PIWIL2: variants seen among roughly 807,000 people sequenced by gnomAD.
The protein encoded by PIWIL2 is piwi like RNA-mediated gene silencing 2.
PIWIL2 carries 81 observed loss-of-function variants against 116.5 expected under a neutral mutation model. That is an observed-to-expected ratio of 0.70 (90% confidence interval 0.58 to 0.84). PIWIL2 has a LOEUF of 0.84. PIWIL2 is among the 40% of genes least tolerant of loss of function. The pLI, the probability that PIWIL2 is intolerant of heterozygous loss-of-function variation, is 0.00. For synonymous variants in PIWIL2, 489 were observed against 429.5 expected, an observed-to-expected ratio of 1.14 and a Z score of -1.71; for missense variants, 1,272 against 1,212.3, an observed-to-expected ratio of 1.05 and a Z score of -0.73.
chr8:22,297,134 A>T (rs1481159829), intron 10 of PIWIL2, among the ~76,000 whole-genome samples: 1 of 151,808 alleles, frequency 6.6e-6, no homozygotes, highest in Non-Finnish European at 1.5e-5. Context: ...GACTACAGGG[A>T]TGCACCATCA....
chr8:22,281,902 T>C (rs1830513141), intron 4 of PIWIL2, among the ~76,000 whole-genome samples: 2 of 145,248 alleles, frequency 1.4e-5, no homozygotes, highest in Admixed American at 1.4e-4. Flanking sequence ...CTCCCAGGTG[T>C]CTGGGACTAC....
At chr8:22,327,369 GTTT>G (rs1170780921) in intron 20 of PIWIL2, among the ~76,000 whole-genome samples, 1 of 117,598 alleles carries the variant, frequency 8.5e-6, no homozygotes, top group Non-Finnish European at 1.8e-5. Context: ...TTTTTGTTTC[GTTT>G]TTTTTTTTTT....
At chr8:22,294,672 A>G (rs141554204) in intron 10 of PIWIL2, among the ~76,000 whole-genome samples, 6,015 of 148,350 alleles carry the variant, frequency 0.041, 193 homozygotes, top group Admixed American at 0.058. Flanking sequence ...AAAAAAAGAA[A>G]AACATCAGTT....
At chr8:22,309,450 G>A (rs1831271077) in intron 14 of PIWIL2, among the ~76,000 whole-genome samples, 1 of 151,786 alleles carries the variant, frequency 6.6e-6, no homozygotes, top group African/African-American at 2.4e-5. Context: ...TAAATCTCCT[G>A]CCTCTGCCTC....
intron 20 of PIWIL2, among the ~76,000 whole-genome samples, chr8:22,326,877 C>T (rs186585075): frequency 4.1e-4 from 62 of 152,212 alleles, no homozygotes; most frequent in Middle Eastern, 3.4e-3. Flanking sequence ...ATTACAGGGT[C>T]ATATAGTAGT....
intron 12 of PIWIL2, among the ~76,000 whole-genome samples, chr8:22,305,172 C>CATTTATTTATTTATTTATTTATTT (rs10669583): frequency 3.5e-5 from 5 of 143,850 alleles, no homozygotes; most frequent in South Asian, 4.7e-4. Flanking sequence ...TATAGATATT[C>CATTTATTTATTTATTTATTTATTT]ATTTATTTAT....
intron 20 of PIWIL2, among the ~76,000 whole-genome samples, chr8:22,344,766 C>G (rs1832187023): frequency 6.6e-6 from 1 of 152,170 alleles, no homozygotes; most frequent in Non-Finnish European, 1.5e-5. Context: ...GTCCCAGCTA[C>G]TCAAGAGGCT....
At position 22,353,340 on chromosome 8, in the gene PIWIL2, A is replaced by C; in HGVS notation, c.2657+128A>C. 3 of 832,668 alleles carry C rather than the reference A, an allele frequency of 3.6e-6. No homozygotes were observed. The South Asian group carries it at 5.5e-5, about 15-fold the overall frequency. The allele number at this position is 832,668 out of a possible 1,614,324, so 51.6% of individuals were successfully genotyped here. ...GAATCTCAGAGAGGCTACCGTTAAA[A>C]GAATGAAGGTTTAAAAAATATTTAA... On this transcript the variant is annotated intron_variant, in intron 21 of 22. Coordinates refer to ENST00000356766, the MANE Select transcript of PIWIL2 (RefSeq NM_018068.5).
At chr8:22,302,744 A>T (rs1029575811) in intron 10 of PIWIL2, among the ~76,000 whole-genome samples, 1 of 152,096 alleles carries the variant, frequency 6.6e-6, no homozygotes, top group Non-Finnish European at 1.5e-5. Context: ...AATGCTTTCA[A>T]AATTAAATGT....
At chr8:22,330,031 T>C (rs892796919) in intron 20 of PIWIL2, among the ~76,000 whole-genome samples, 5 of 152,222 alleles carry the variant, frequency 3.3e-5, no homozygotes, top group African/African-American at 1.2e-4. Flanking sequence ...GATATTCTTT[T>C]TGCCCCTTCC....
rs759894275 is a variant in PIWIL2 at position 22,314,475 on chromosome 8, C to T, written c.2091+46C>T. The stretch of plus-strand genomic sequence containing the variant: ...GAGGCGCAGATGGCACCTCTCGCCT[C>T]CCCGAGGCTTGAGAAGAGGGATATG... On this transcript the variant is annotated intron_variant, in intron 17 of 22. Transcript: ENST00000356766. 58 of 987,866 alleles carry T rather than the reference C, an allele frequency of 5.9e-5. No individual in the cohort carries two copies. In the Admixed American group the frequency reaches 9.7e-4, roughly 16 times the overall value. 61.2% of individuals were successfully genotyped at this position (987,866 alleles called of 1,614,324 possible).
chr8:22,355,606 T>C lies in PIWIL2; in HGVS notation c.*101T>C, dbSNP rs111874544. 1.9e-6 allele frequency: 2 copies of C among 1,059,788 alleles called. No individual in the cohort carries two copies. The highest frequency in any genetic ancestry group is 2.7e-6 in the Non-Finnish European group (2 of 727,578). The allele number at this position is 1,059,788 out of a possible 1,614,324, so 65.6% of individuals were successfully genotyped here. On this transcript the variant is annotated 3_prime_UTR_variant, in exon 23 of 23. Coordinates refer to ENST00000356766, the MANE Select transcript of PIWIL2 (RefSeq NM_018068.5). ...GAGACTGAAGTGGGCTTTTGTGTTA[T>C]AATTTTCCCTTTCTCCAACCCTGTA...
chr8:22,329,689 T>G (rs535667488), intron 20 of PIWIL2, among the ~76,000 whole-genome samples: 1 of 152,350 alleles, frequency 6.6e-6, no homozygotes, highest in Non-Finnish European at 1.5e-5. Flanking sequence ...ACATTCAGAC[T>G]GTAGCAATAG....
chr8:22,329,368 G>A (rs140487377), intron 20 of PIWIL2, among the ~76,000 whole-genome samples: 114 of 152,324 alleles, frequency 7.5e-4, no homozygotes, highest in Non-Finnish European at 1.4e-3. Flanking sequence ...GAAGCATAAT[G>A]CTGGCATCCA....
chr8:22,324,436 A>G (rs1480724609), intron 20 of PIWIL2, among the ~76,000 whole-genome samples: 1 of 152,032 alleles, frequency 6.6e-6, no homozygotes, highest in Non-Finnish European at 1.5e-5. Context: ...AGCCTAGCAA[A>G]CGTCTCCCAC....
At chr8:22,299,242 C>T (rs1327381933) in intron 10 of PIWIL2, among the ~76,000 whole-genome samples, 2 of 150,452 alleles carry the variant, frequency 1.3e-5, no homozygotes, top group African/African-American at 4.9e-5. Context: ...TGGAATTTCA[C>T]TCTTGTTGCC....
Position 22,348,922 on chromosome 8 carries a change from C to T in PIWIL2, c.2404-4037C>T, listed in dbSNP as rs77082604. On this transcript the variant is annotated intron_variant, in intron 20 of 22. Transcript: ENST00000356766. ...GATTTTTCAGCTCCTTGATTCCTTTCGGTTCTGTTGGAGGCCTACCTAGGG... is the reference window on the plus strand; with the variant it reads ...GATTTTTCAGCTCCTTGATTCCTTTTGGTTCTGTTGGAGGCCTACCTAGGG... 8.5e-5 allele frequency among the ~76,000 whole-genome samples: 13 copies of T among 152,272 alleles called. No homozygotes were observed. The East Asian group carries it at 2.5e-3, about 29-fold the overall frequency.
intron 16 of PIWIL2, among the ~76,000 whole-genome samples, chr8:22,312,147 C>T: frequency 6.6e-6 from 1 of 151,842 alleles, no homozygotes; most frequent in East Asian, 1.9e-4. Flanking sequence ...ACCTGTAGTA[C>T]CAGCTACTCA....
At chr8:22,303,939 C>T in intron 10 of PIWIL2, 82 bp from the exon 11 acceptor site, 2 of 839,598 alleles carry the variant, frequency 2.4e-6, no homozygotes, top group Non-Finnish European at 3.7e-6. Context: ...TGATTAGATT[C>T]CTCAATTACT....
Sources: gnomAD v4.1 joint callset for allele counts (sites outside exome capture counted in the v4.1 genomes callset) on GRCh38, gnomAD v4.1.1 for gene constraint, MANE v1.5 for transcripts, NCBI Gene and HGNC (gene_info 2026-07-23, HGNC 2026-07-21) for gene names.